Variants in PRKRIP1 observed in about 807,000 individuals in gnomAD.
The protein encoded by PRKRIP1 is PRKR-interacting protein 1.
A neutral mutation model predicts 29.3 loss-of-function variants in PRKRIP1; 29 were observed. The ratio of observed to expected loss-of-function variants is 0.99; its 90% CI spans 0.74 to 1.35. The LOEUF (loss-of-function observed/expected upper bound fraction) is 1.35. Ranked by LOEUF, PRKRIP1 falls within the 40% of genes most tolerant of loss-of-function variation. The pLI, the probability that PRKRIP1 is intolerant of heterozygous loss-of-function variation, is 0.00. For missense variants in PRKRIP1, 247 were observed against 236.8 expected, an observed-to-expected ratio of 1.04 and a Z score of -0.28; for synonymous variants, 90 against 85.1, an observed-to-expected ratio of 1.06 and a Z score of -0.32.
intron 2 of PRKRIP1, among the ~76,000 whole-genome samples, chr7:102,398,349 A>G (rs1795973708): frequency 6.6e-6 from 1 of 151,956 alleles, no homozygotes; most frequent in Non-Finnish European, 1.5e-5. Flanking sequence ...CAGTGACACC[A>G]TCTCGGCTCA....
rs540165286 is a variant in PRKRIP1 at position 102,426,528 on chromosome 7, T to C, written c.*1417T>C. On this transcript the variant is annotated 3_prime_UTR_variant, in exon 6 of 6. Coordinates refer to ENST00000397912, the MANE Select transcript of PRKRIP1 (RefSeq NM_024653.4). ...GTTGCTTTTACTTCTGTAGTGTAGA[T>C]TGCCCCGGCCCCTCTCTGAGCCCTG... The C allele has an allele frequency of 6.6e-6, 1 of 152,636 alleles. No homozygotes were observed. The highest frequency in any genetic ancestry group is 6.5e-5 in the Admixed American group (1 of 15,286). The allele number at this position is 152,636 out of a possible 1,614,324, so 9.5% of individuals were successfully genotyped here.
At position 102,425,416 on chromosome 7, in the gene PRKRIP1, G is replaced by C. The variant is rs1468156659; in HGVS notation, c.*305G>C. The C allele has an allele frequency of 1.0e-4, 43 of 420,342 alleles. No individual in the cohort carries two copies. Among genetic ancestry groups the C allele is most frequent in the Middle Eastern group, 6.9e-4 (1 of 1,456 alleles). 26.0% of individuals were successfully genotyped at this position (420,342 alleles called of 1,614,324 possible). ...AGTTTGGGGCTGGTTTCTGGGAAGGGAACGTTTATTTAGTAAAGAGCAGAA... is the reference window on the plus strand; with the variant it reads ...AGTTTGGGGCTGGTTTCTGGGAAGGCAACGTTTATTTAGTAAAGAGCAGAA... On this transcript the variant is annotated 3_prime_UTR_variant, in exon 6 of 6. Transcript: ENST00000397912.
At chr7:102,397,137 G>C (rs375875884) in intron 1 of PRKRIP1, among the ~76,000 whole-genome samples, 43 of 152,208 alleles carry the variant, frequency 2.8e-4, no homozygotes, top group African/African-American at 9.6e-4. Flanking sequence ...TTATACCCAA[G>C]AGTACATAGG....
chr7:102,398,857 C>T (rs1277778944), intron 2 of PRKRIP1, among the ~76,000 whole-genome samples: 8 of 152,152 alleles, frequency 5.3e-5, no homozygotes, highest in South Asian at 2.1e-4. Context: ...AGGCCAGGCA[C>T]GGTGGCTCGT....
chr7:102,412,264 A>C (rs1310848706), intron 5 of PRKRIP1, among the ~76,000 whole-genome samples: 2 of 152,174 alleles, frequency 1.3e-5, no homozygotes, highest in Non-Finnish European at 2.9e-5. Flanking sequence ...ACCATCATAA[A>C]AGTGGTTTGG....
intron 4 of PRKRIP1, among the ~76,000 whole-genome samples, chr7:102,404,943 T>C (rs1337518219): frequency 6.6e-6 from 1 of 152,210 alleles, no homozygotes; most frequent in East Asian, 1.9e-4. Flanking sequence ...TTTTTTTTTT[T>C]TGAGACAAAG....
chr7:102,404,104 T>C (rs192447909), intron 3 of PRKRIP1, among the ~76,000 whole-genome samples: 58 of 152,278 alleles, frequency 3.8e-4, no homozygotes, highest in Non-Finnish European at 7.8e-4. Context: ...AGTTCAAGGT[T>C]GTAGTGAGCT....
chr7:102,407,422 T>G lies in PRKRIP1; in HGVS notation c.393-12T>G. 6.4e-7 allele frequency: 1 copy of G among 1,562,764 alleles called. No homozygotes were observed. The highest frequency in any genetic ancestry group is 8.8e-7 in the Non-Finnish European group (1 of 1,133,460). ...AGTTAAGGAATCAATGTATATGGTT[T>G]TACATTTTTAGCCAGAAGTTAAAAG... is the stretch of plus-strand genomic sequence containing the variant. On this transcript the variant is annotated splice_polypyrimidine_tract_variant and intron_variant, in intron 4 of 5. Coordinates refer to ENST00000397912, the MANE Select transcript of PRKRIP1 (RefSeq NM_024653.4).
chr7:102,419,052 C>T (rs781992428), intron 5 of PRKRIP1, among the ~76,000 whole-genome samples: 1 of 151,754 alleles, frequency 6.6e-6, no homozygotes, highest in Non-Finnish European at 1.5e-5. Context: ...ATTTATGATA[C>T]GTTTGGATTC....
intron 4 of PRKRIP1, 97 bp from the exon 5 acceptor site, chr7:102,407,337 T>C: frequency 1.4e-6 from 1 of 699,494 alleles, no homozygotes; most frequent in Non-Finnish European, 2.5e-6. Flanking sequence ...GTTTGTGTTA[T>C]TCCGCAGGTT....
At chr7:102,400,638 CTTTA>C (rs1796041903) in intron 3 of PRKRIP1, among the ~76,000 whole-genome samples, 2 of 151,796 alleles carry the variant, frequency 1.3e-5, no homozygotes, top group African/African-American at 2.4e-5. Context: ...TAGATACTAA[CTTTA>C]TTTATTATTT....
chr7:102,400,019 GAGAAA>G (rs1364899528), intron 3 of PRKRIP1, among the ~76,000 whole-genome samples: 3 of 144,972 alleles, frequency 2.1e-5, no homozygotes, highest in East Asian at 2.0e-4. Context: ...AAAAAAAAGA[GAGAAA>G]AGAAAAGAAA....
intron 5 of PRKRIP1, among the ~76,000 whole-genome samples, chr7:102,407,967 G>C (rs557716525): frequency 6.6e-6 from 1 of 152,152 alleles, no homozygotes. Flanking sequence ...GGTCAGGTAA[G>C]AATGCTTTTG....
At chr7:102,407,697 G>C (rs782592697) in intron 5 of PRKRIP1, among the ~76,000 whole-genome samples, 199 bp downstream of exon 5, 1 of 152,188 alleles carries the variant, frequency 6.6e-6, no homozygotes, top group African/African-American at 2.4e-5. Flanking sequence ...AAAGATACTG[G>C]TTCAAGTTAG....
rs145573580 is a variant in PRKRIP1 at position 102,408,141 on chromosome 7, C to T, written c.457+643C>T. Among the ~76,000 whole-genome samples, 647 of 152,208 alleles carry T rather than the reference C, an allele frequency of 4.3e-3. 7 individuals are homozygous for T. Among genetic ancestry groups the T allele is most frequent in the African/African-American group, 0.015 (628 of 41,528 alleles). ...CCTTTACCCTGAGAGTATGAGGTGG[C>T]TCCCATGGCTTCTGGCACCGTACCT... On this transcript the variant is annotated intron_variant, in intron 5 of 5. Coordinates refer to ENST00000397912, the MANE Select transcript of PRKRIP1 (RefSeq NM_024653.4).
intron 4 of PRKRIP1, 50 bp downstream of exon 4, chr7:102,404,733 G>T (rs782211575): frequency 7.1e-7 from 1 of 1,413,754 alleles, no homozygotes; most frequent in Admixed American, 1.8e-5. Flanking sequence ...AGGGGTGGTG[G>T]CTGGGTGAGC....
At chr7:102,404,357 C>G in intron 3 of PRKRIP1, 1 of 449,314 alleles carries the variant, frequency 2.2e-6, no homozygotes, top group East Asian at 3.7e-5. Context: ...CTATATTGTG[C>G]TATGCATGAG....
chr7:102,415,527 C>T (rs1354872980), intron 5 of PRKRIP1, among the ~76,000 whole-genome samples: 1 of 152,246 alleles, frequency 6.6e-6, no homozygotes, highest in Non-Finnish European at 1.5e-5. Flanking sequence ...TGAGCCACCG[C>T]ACCCAGCCCC....
At chr7:102,403,648 A>G (rs1554571460) in intron 3 of PRKRIP1, among the ~76,000 whole-genome samples, 1 of 152,172 alleles carries the variant, frequency 6.6e-6, no homozygotes, top group Non-Finnish European at 1.5e-5. Context: ...AAGTACTGGG[A>G]TTACAGGCAT....
Sources: gnomAD v4.1 joint callset for allele counts (sites outside exome capture counted in the v4.1 genomes callset) on GRCh38, gnomAD v4.1.1 for gene constraint, MANE v1.5 for transcripts, NCBI Gene and HGNC (gene_info 2026-07-23, HGNC 2026-07-21) for gene names.